PLEKHG6: variants seen among roughly 807,000 people sequenced by gnomAD.
PLEKHG6 encodes the protein pleckstrin homology domain-containing family G member 6.
PLEKHG6 carries 91 observed loss-of-function variants against 97.5 expected under a neutral mutation model. That is an observed-to-expected ratio of 0.93 (90% CI 0.79 to 1.11). The LOEUF is 1.11. PLEKHG6 is among the 50% of genes most tolerant of loss of function. The pLI, the probability that PLEKHG6 is intolerant of heterozygous loss-of-function variation, is 0.00. For missense variants in PLEKHG6, 1,044 were observed against 1,031.0 expected, an observed-to-expected ratio of 1.01 and a Z score of -0.17; for synonymous variants, 466 against 425.5, an observed-to-expected ratio of 1.10 and a Z score of -1.17.
Position 6,318,410 on chromosome 12 carries a change from G to C in PLEKHG6, c.1265G>C (p.Arg422Pro). 1 of 1,608,938 alleles carries C rather than the reference G, an allele frequency of 6.2e-7. No individual in the cohort carries two copies. The highest frequency in any genetic ancestry group is 8.5e-7 in the Non-Finnish European group (1 of 1,177,812). ...LEGPVRVKEG[R>P]EGKLDVYLFL... is the part of the protein sequence containing the mutation. ...GGGCCTGTGCGAGTGAAGGAGGGACGAGAAGGGAAGGTGAGGGTGCTGCGG... is the reference window on the plus strand; with the variant it reads ...GGGCCTGTGCGAGTGAAGGAGGGACCAGAAGGGAAGGTGAGGGTGCTGCGG... The change falls in exon 11 of 16, where the codon CGA becomes CCA. Residue 422 changes from arginine (R) to proline (P), a missense_variant. Coordinates refer to ENST00000684764, the MANE Select transcript of PLEKHG6 (RefSeq NM_001384598.1).
chr12:6,315,438 C>T lies in PLEKHG6; in HGVS notation c.460-116C>T, dbSNP rs1947422287. The T allele has an allele frequency of 2.7e-6, 2 of 727,666 alleles. No individual in the cohort carries two copies. The highest frequency in any genetic ancestry group is 3.8e-5 in the South Asian group (2 of 52,518). 45.1% of individuals were successfully genotyped at this position (727,666 alleles called of 1,614,324 possible). A position where few individuals can be genotyped will look rare whatever the true frequency, so the allele number is the denominator to read the frequency against. On this transcript the variant is annotated intron_variant, in intron 4 of 15. Transcript: ENST00000684764. The surrounding 1 kb of genome is among the most constrained non-coding windows in gnomAD (Gnocchi z 4.5). ...AGCACTGGTTTGAGGATTAAAAGGT[C>T]ATGGTCATGCACAAAGTGCCTAGAA... is the stretch of plus-strand genomic sequence containing the variant.
In PLEKHG6 at chr12:6,316,500, G is replaced by C. The variant is rs1265153727; in HGVS notation, c.756+96G>C. ...ATGCCCACAGTATGCAAATCTCTGT[G>C]ATTTGAGGGGCCGCAGGACACAGCC... On this transcript the variant is annotated intron_variant, in intron 7 of 15. Transcript: ENST00000684764. This position sits in a 1 kb window ranked among gnomAD's most constrained non-coding sequence, Gnocchi z 4.1. 20 of 1,214,382 alleles carry C rather than the reference G, an allele frequency of 1.6e-5. No individual in the cohort carries two copies. The highest frequency in any genetic ancestry group is 2.2e-5 in the Non-Finnish European group (20 of 890,982). The allele number at this position is 1,214,382 out of a possible 1,614,324, so 75.2% of individuals were successfully genotyped here.
At position 6,317,311 on chromosome 12, in the gene PLEKHG6, G is replaced by A. The variant is rs1189421701; in HGVS notation, c.765G>A (p.Gln255=). 3 of 1,613,134 alleles carry A rather than the reference G, an allele frequency of 1.9e-6. No homozygotes were observed. The highest frequency in any genetic ancestry group is 4.5e-5 in the East Asian group (2 of 44,880). The change falls in exon 8 of 16, where the codon CAG becomes CAA. Residue 255 remains glutamine (Q), a synonymous_variant. Transcript: ENST00000684764. The part of the protein sequence containing the change: ...GLQSGFLTFG[Q]RFHPYVQYCL... ...CGTATCTGTCTCTCCAGTTTGGCCA[G>A]CGGTTCCACCCCTATGTCCAGTACT...
chr12:6,319,408 A>T, intron 13 of PLEKHG6: 2 of 889,000 alleles, frequency 2.2e-6, no homozygotes, highest in Non-Finnish European at 3.3e-6. Flanking sequence ...AGATCGTGCC[A>T]CTGCACTCTA....
rs756967035 is a variant in PLEKHG6 at position 6,318,388 on chromosome 12, C to A, written c.1243C>A (p.Pro415Thr). The change falls in exon 11 of 16, where the codon CCT becomes ACT. Residue 415 changes from proline (P) to threonine (T), a missense_variant. By Grantham distance (38) the Pro-to-Thr change is conservative. Coordinates refer to ENST00000684764, the MANE Select transcript of PLEKHG6 (RefSeq NM_001384598.1). Reference sequence around the variant, plus strand: ...CACCAGACAGCTGCTGCTGGAGGGGCCTGTGCGAGTGAAGGAGGGACGAGA... The same window carrying A: ...CACCAGACAGCTGCTGCTGGAGGGGACTGTGCGAGTGAAGGAGGGACGAGA... ...EHTRQLLLEGPVRVKEGREGK... is the reference protein window; with the variant it reads ...EHTRQLLLEGTVRVKEGREGK... The A allele has an allele frequency of 2.5e-6, 4 of 1,611,906 alleles. No homozygotes were observed. Among genetic ancestry groups the A allele is most frequent in the Non-Finnish European group, 3.4e-6 (4 of 1,179,180 alleles).
chr12:6,315,777 T>C lies in PLEKHG6; in HGVS notation c.556-92T>C. ...CAGGCCAGTCTGGGATGCAGGGAGA[T>C]AGGTCAGCAGTACTGAAGTTGGTGG... On this transcript the variant is annotated intron_variant, in intron 5 of 15. Transcript: ENST00000684764. The surrounding 1 kb of genome is among the most constrained non-coding windows in gnomAD (Gnocchi z 4.5). 2 of 1,257,716 alleles carry C rather than the reference T, an allele frequency of 1.6e-6. No individual in the cohort carries two copies. The highest frequency in any genetic ancestry group is 1.5e-5 in the African/African-American group (1 of 67,648). The allele number at this position is 1,257,716 out of a possible 1,614,324, so 77.9% of individuals were successfully genotyped here.
chr12:6,322,389 C>T (rs1471023938), intron 13 of PLEKHG6, among the ~76,000 whole-genome samples: 1 of 152,108 alleles, frequency 6.6e-6, no homozygotes, highest in Admixed American at 6.6e-5. Flanking sequence ...AAGAGGAGGA[C>T]AAAAAACACA....
Position 6,315,432 on chromosome 12 carries a change from A to T in PLEKHG6, c.460-122A>T, listed in dbSNP as rs1272089670. The T allele has an allele frequency of 1.4e-6, 1 of 714,900 alleles. No individual in the cohort carries two copies. Among genetic ancestry groups the T allele is most frequent in the Non-Finnish European group, 2.4e-6 (1 of 421,362 alleles). 44.3% of individuals were successfully genotyped at this position (714,900 alleles called of 1,614,324 possible). ...CATCAGAGCACTGGTTTGAGGATTA[A>T]AAGGTCATGGTCATGCACAAAGTGC... On this transcript the variant is annotated intron_variant, in intron 4 of 15. Coordinates refer to ENST00000684764, the MANE Select transcript of PLEKHG6 (RefSeq NM_001384598.1). The surrounding 1 kb of genome is among the most constrained non-coding windows in gnomAD (Gnocchi z 4.5).
Position 6,317,918 on chromosome 12 carries a change from A to G in PLEKHG6, c.1079A>G (p.Gln360Arg). The G allele has an allele frequency of 6.4e-7, 1 of 1,567,364 alleles. No individual in the cohort carries two copies. Among genetic ancestry groups the G allele is most frequent in the Non-Finnish European group, 8.7e-7 (1 of 1,155,508 alleles). The stretch of plus-strand genomic sequence containing the variant: ...GGGCAGGTCCGCCAGGGCGAAGAGC[A>G]AGAGAGCTTGGCGGCTGCAGCACAA... Reference protein sequence around the residue: ...INGQVRQGEEQESLAAAAQRI... With the variant: ...INGQVRQGEERESLAAAAQRI... Residue 360 changes from glutamine (Q) to arginine (R), a missense_variant, in exon 10 of 16, where the codon CAA becomes CGA. Coordinates refer to ENST00000684764, the MANE Select transcript of PLEKHG6 (RefSeq NM_001384598.1).
Position 6,326,593 on chromosome 12 carries a change from C to T in PLEKHG6, c.1670+20C>T. 1 of 1,444,762 alleles carries T rather than the reference C, an allele frequency of 6.9e-7. No homozygotes were observed. Among genetic ancestry groups the T allele is most frequent in the Non-Finnish European group, 9.1e-7 (1 of 1,096,548 alleles). The allele number at this position is 1,444,762 out of a possible 1,614,324, so 89.5% of individuals were successfully genotyped here. A position where few individuals can be genotyped will look rare whatever the true frequency, so the allele number is the denominator to read the frequency against. The stretch of plus-strand genomic sequence containing the variant: ...GGGGAGGTAAGGCTCACACGGACTA[C>T]AAGGTCTCCCCGAGCAGGAGGAGGG... On this transcript the variant is annotated intron_variant, in intron 14 of 15. Coordinates refer to ENST00000684764, the MANE Select transcript of PLEKHG6 (RefSeq NM_001384598.1).
chr12:6,318,556 C>A, intron 11 of PLEKHG6, 136 bp downstream of exon 11: 1 of 1,250,778 alleles, frequency 8.0e-7, no homozygotes, highest in South Asian at 1.5e-5. Context: ...TTTGTGTGAC[C>A]CTGAGCCAGC....
In PLEKHG6 at chr12:6,326,478, G is replaced by A; in HGVS notation, c.1575G>A (p.Glu525=). The part of the protein sequence containing the change: ...KAEEYVQQKR[E]LLTLYRDQDR... ...AGGAGTATGTTCAACAGAAGAGGGA[G>A]CTCCTGACCCTCTATCGGGACCAGG... The change falls in exon 14 of 16, where the codon GAG becomes GAA. Residue 525 remains glutamate, a synonymous_variant. Transcript: ENST00000684764. 1 of 1,612,270 alleles carries A rather than the reference G, an allele frequency of 6.2e-7. No homozygotes were observed. The highest frequency in any genetic ancestry group is 8.5e-7 in the Non-Finnish European group (1 of 1,178,984).
At chr12:6,322,765 C>T (rs895744219) in intron 13 of PLEKHG6, among the ~76,000 whole-genome samples, 1 of 152,142 alleles carries the variant, frequency 6.6e-6, no homozygotes, top group Non-Finnish European at 1.5e-5. Context: ...CCTGTAGTCC[C>T]AGCTACTCGG....
In PLEKHG6 at chr12:6,327,384, T is replaced by A. The variant is rs752006210; in HGVS notation, c.1801T>A (p.Ser601Thr). The change falls in exon 15 of 16, where the codon TCC becomes ACC. Residue 601 changes from serine to threonine, a missense_variant. Physicochemically the swap from Ser to Thr is moderately conservative, Grantham distance 58 (BLOSUM62 1). Transcript: ENST00000684764. ...GTLIPGTPTG[S>T]RSPLSRLRQR... ...TTTGATCCCAGGCACCCCCACGGGG[T>A]CCCGCTCCCCACTGAGCCGTCTACG... 1.2e-6 allele frequency: 2 copies of A among 1,613,754 alleles called. No homozygotes were observed. The highest frequency in any genetic ancestry group is 1.7e-6 in the Non-Finnish European group (2 of 1,179,914).
At chr12:6,323,293 GA>G (rs1301159702) in intron 13 of PLEKHG6, among the ~76,000 whole-genome samples, 2 of 152,200 alleles carry the variant, frequency 1.3e-5, no homozygotes, top group South Asian at 2.1e-4. Flanking sequence ...AAAGAAAACT[GA>G]AACTTTGAAA....
chr12:6,326,599 C>A, intron 14 of PLEKHG6, 26 bp downstream of exon 14: 2 of 1,435,858 alleles, frequency 1.4e-6, no homozygotes, highest in African/African-American at 3.0e-5. Context: ...ACTACAAGGT[C>A]TCCCCGAGCA....
intron 1 of PLEKHG6, among the ~76,000 whole-genome samples, chr12:6,311,396 C>T (rs1267925793): frequency 1.3e-5 from 2 of 152,188 alleles, no homozygotes; most frequent in Non-Finnish European, 2.9e-5. Flanking sequence ...CACTCACCTC[C>T]CTGTCTGTGG....
At chr12:6,324,050 G>T (rs770284889) in intron 13 of PLEKHG6, among the ~76,000 whole-genome samples, 2 of 152,120 alleles carry the variant, frequency 1.3e-5, no homozygotes. Flanking sequence ...GAAGAATCCT[G>T]CTAGGGGCCC....
rs182839317 is a variant in PLEKHG6, at chr12:6,317,733, G to A, written c.1017+37G>A. On this transcript the variant is annotated intron_variant, in intron 9 of 15. Coordinates refer to ENST00000684764, the MANE Select transcript of PLEKHG6 (RefSeq NM_001384598.1). ...AGTGGGGCTGGGACTCTGGTGAATC[G>A]GGGACTGGGAGGGGGGTCTCTTTCT... The A allele has an allele frequency of 5.1e-4, 814 of 1,607,582 alleles. 9 individuals carry two copies. In the East Asian group the frequency reaches 0.014, roughly 28 times the overall value.
Sources: allele counts gnomAD v4.1 joint callset (sites outside exome capture counted in the v4.1 genomes callset), GRCh38; gene constraint gnomAD v4.1.1; non-coding constraint Gnocchi (gnomAD v3.1); transcripts MANE v1.5; gene names NCBI Gene and HGNC (gene_info 2026-07-23, HGNC 2026-07-21).